SLC3A2: variants seen among roughly 807,000 people sequenced by gnomAD.
The protein encoded by SLC3A2 is solute carrier family 3 member 2.
SLC3A2 carries 32 observed loss-of-function variants against 48.5 expected under a neutral mutation model. That is an observed-to-expected ratio of 0.66 (90% confidence interval 0.50 to 0.89). The LOEUF (loss-of-function observed/expected upper bound fraction) is 0.89. Ranked by LOEUF, SLC3A2 falls within the 40% of genes least tolerant of loss-of-function variation. The probability of loss-of-function intolerance (pLI) is 0.00; values close to 1 mark genes in which losing one functional copy is unlikely to be tolerated. For synonymous variants in SLC3A2, 277 were observed against 288.8 expected, an observed-to-expected ratio of 0.96 and a Z score of 0.41; for missense variants, 587 against 680.7, an observed-to-expected ratio of 0.86 and a Z score of 1.53.
upstream of SLC3A2, chr11:62,856,112 T>A: frequency 1.7e-6 from 1 of 580,126 alleles, no homozygotes; most frequent in Non-Finnish European, 3.0e-6. Context: ...ACCGACCGCA[T>A]TGCGGCTTGG....
In SLC3A2 at chr11:62,880,971, T is replaced by C; in HGVS notation, c.-53T>C. 4 of 1,520,966 alleles carry C rather than the reference T, an allele frequency of 2.6e-6. No homozygotes were observed. Among genetic ancestry groups the C allele is most frequent in the Non-Finnish European group, 3.5e-6 (4 of 1,133,988 alleles). The allele number at this position is 1,520,966 out of a possible 1,614,324, so 94.2% of individuals were successfully genotyped here. ...CTGGGTCCGAGGGTCCAGGTAGGGG[T>C]TGAGCCACCATCTGACCGCAAGCTG... On this transcript the variant is annotated 5_prime_UTR_variant, in exon 1 of 9. Coordinates refer to ENST00000338663, the MANE Select transcript of SLC3A2 (RefSeq NM_001013251.3).
upstream of SLC3A2, among the ~76,000 whole-genome samples, chr11:62,876,115 T>C (rs928475616): frequency 2.0e-4 from 30 of 152,242 alleles, no homozygotes; most frequent in African/African-American, 7.2e-4. Flanking sequence ...TCCTCCTGCC[T>C]TAGCTTCCCA....
intron 3 of SLC3A2, chr11:62,884,096 C>T (rs1039702761): frequency 2.1e-6 from 1 of 474,260 alleles, no homozygotes; most frequent in Non-Finnish European, 4.2e-6. Context: ...GGGTCTGTTT[C>T]TTCATCTCTA....
At chr11:62,856,297 A>C (rs2085319695) in exon 1 of SLC3A2, 1 of 1,613,306 alleles carries the variant, frequency 6.2e-7, no homozygotes, top group African/African-American at 1.3e-5. Context: ...TGAAGCCTCG[A>C]TCGCCGTCGT....
At chr11:62,857,534 GA>G (rs1453025854) in intron 1 of SLC3A2, among the ~76,000 whole-genome samples, 1 of 151,842 alleles carries the variant, frequency 6.6e-6, no homozygotes, top group East Asian at 1.9e-4. Context: ...AAAAAAAATA[GA>G]AAAAATTAGC....
intron 1 of SLC3A2, among the ~76,000 whole-genome samples, chr11:62,872,954 T>A (rs1348227947): frequency 6.6e-6 from 1 of 152,216 alleles, no homozygotes; most frequent in Non-Finnish European, 1.5e-5. Flanking sequence ...AATTTTCTGT[T>A]ACAGCATACC....
intron 1 of SLC3A2, among the ~76,000 whole-genome samples, chr11:62,873,588 A>C (rs1401729680): frequency 6.6e-6 from 1 of 152,104 alleles, no homozygotes; most frequent in Non-Finnish European, 1.5e-5. Flanking sequence ...TGGCCTTGCA[A>C]AGTGCTGGGA....
At chr11:62,872,981 C>G (rs1267704622) in intron 1 of SLC3A2, among the ~76,000 whole-genome samples, 2 of 152,156 alleles carry the variant, frequency 1.3e-5, no homozygotes, top group Non-Finnish European at 2.9e-5. Context: ...TAAATATCTA[C>G]TTCTCAATAT....
In SLC3A2 at chr11:62,884,320, G is replaced by A. The variant is rs1012744159; in HGVS notation, c.691-137G>A. 17 of 846,748 alleles carry A rather than the reference G, an allele frequency of 2.0e-5. No individual in the cohort carries two copies. The African/African-American group carries it at 2.7e-4, about 13-fold the overall frequency. 52.5% of individuals were successfully genotyped at this position (846,748 alleles called of 1,614,324 possible). A position where few individuals can be genotyped will look rare whatever the true frequency, so the allele number is the denominator to read the frequency against. On this transcript the variant is annotated intron_variant, in intron 3 of 8. Coordinates refer to ENST00000338663, the MANE Select transcript of SLC3A2 (RefSeq NM_001013251.3). ...GGCTAAGCCTTTGTAGTGCAGGTGG[G>A]GAAGACCCAGGCAAGGCACAGGACT...
chr11:62,870,730 T>A (rs1363725419), intron 1 of SLC3A2: 40 of 155,564 alleles, frequency 2.6e-4, no homozygotes, highest in African/African-American at 8.6e-4. Flanking sequence ...TTATTATTTT[T>A]TTTTTTTTTT....
chr11:62,870,597 CT>C (rs1328054017), intron 1 of SLC3A2: 2 of 151,858 alleles, frequency 1.3e-5, no homozygotes, highest in African/African-American at 4.8e-5. Flanking sequence ...ATTATATTAT[CT>C]CTGTCGTATA....
At chr11:62,869,353 T>TC (rs897631110) in intron 1 of SLC3A2, among the ~76,000 whole-genome samples, 6 of 150,894 alleles carry the variant, frequency 4.0e-5, no homozygotes, top group African/African-American at 1.5e-4. Flanking sequence ...TGAAACCCTG[T>TC]CTCTACTAAA....
intron 1 of SLC3A2, among the ~76,000 whole-genome samples, chr11:62,871,906 T>TTTA (rs201435681): frequency 0.012 from 1,849 of 151,552 alleles, 17 homozygotes; most frequent in Middle Eastern, 0.024. Context: ...AAATCTTTAT[T>TTTA]TTATTATTAT....
intron 3 of SLC3A2, chr11:62,883,904 A>C (rs1590635275): frequency 2.2e-6 from 1 of 447,438 alleles, no homozygotes; most frequent in South Asian, 1.6e-5. Context: ...TTTCAAATCT[A>C]AACTGCCCTG....
exon 1 of SLC3A2, chr11:62,856,298 T>C (rs770006299): frequency 1.9e-6 from 3 of 1,613,318 alleles, no homozygotes; most frequent in African/African-American, 1.3e-5. Flanking sequence ...GAAGCCTCGA[T>C]CGCCGTCGTG....
upstream of SLC3A2, among the ~76,000 whole-genome samples, chr11:62,877,263 G>A (rs2085580531): frequency 6.6e-6 from 1 of 152,036 alleles, no homozygotes; most frequent in Non-Finnish European, 1.5e-5. Context: ...GTTTCACCAT[G>A]TTGGCCAGGC....
chr11:62,864,968 A>G (rs1214594124), intron 1 of SLC3A2, among the ~76,000 whole-genome samples: 1 of 152,080 alleles, frequency 6.6e-6, no homozygotes, highest in African/African-American at 2.4e-5. Context: ...CAGACTTACT[A>G]TGAGCTAGTA....
chr11:62,865,496 C>G (rs1355180783), intron 1 of SLC3A2, among the ~76,000 whole-genome samples: 2 of 143,556 alleles, frequency 1.4e-5, no homozygotes, highest in African/African-American at 5.2e-5. Flanking sequence ...GAGGATGTTG[C>G]AGTGAGCCTA....
chr11:62,882,867 CAT>C (rs2085660363), intron 2 of SLC3A2, 39 bp from the exon 3 acceptor site: 1 of 1,472,480 alleles, frequency 6.8e-7, no homozygotes, highest in South Asian at 1.1e-5. Context: ...TCCCTTAACT[CAT>C]AGACTGTCTC....
Sources: gnomAD v4.1 joint callset for allele counts (sites outside exome capture counted in the v4.1 genomes callset) on GRCh38, gnomAD v4.1.1 for gene constraint, MANE v1.5 for transcripts, NCBI Gene and HGNC (gene_info 2026-07-23, HGNC 2026-07-21) for gene names.